Variants in SH3RF3 observed in about 807,000 individuals in gnomAD.
The protein encoded by SH3RF3 is E3 ubiquitin-protein ligase SH3RF3.
Under a neutral mutation model 66.3 loss-of-function variants are expected in SH3RF3, and 29 were observed. The ratio of observed to expected loss-of-function variants is 0.44; its 90% confidence interval spans 0.33 to 0.60. The LOEUF (loss-of-function observed/expected upper bound fraction) is 0.60, where lower values mean the gene tolerates loss of function less well. Among genes scored for constraint, SH3RF3 ranks in the 20% least tolerant of loss-of-function variants. SH3RF3 has a pLI of 0.04. For synonymous variants in SH3RF3, 583 were observed against 532.0 expected, an observed-to-expected ratio of 1.10 and a Z score of -1.32; for missense variants, 1,194 against 1,190.9, an observed-to-expected ratio of 1.00 and a Z score of -0.04.
chr2:109,440,311 G>A (rs10172271), intron 7 of SH3RF3, among the ~76,000 whole-genome samples: 6,065 of 152,244 alleles, frequency 0.04, 428 homozygotes, highest in African/African-American at 0.14. Flanking sequence ...CTCTTGGGCC[G>A]CCGAGGCCAG....
chr2:109,213,322 G>A (rs58543767), intron 1 of SH3RF3, among the ~76,000 whole-genome samples: 5,194 of 152,198 alleles, frequency 0.034, 267 homozygotes, highest in African/African-American at 0.11. Flanking sequence ...CTATGTGTAC[G>A]CCAAACGCAG....
chr2:109,462,918 T>C (rs1217358771), intron 8 of SH3RF3, among the ~76,000 whole-genome samples: 1 of 152,240 alleles, frequency 6.6e-6, no homozygotes, highest in Non-Finnish European at 1.5e-5. Flanking sequence ...TCAGATCCAG[T>C]GTCCAGCTGT....
intron 1 of SH3RF3, among the ~76,000 whole-genome samples, chr2:109,265,101 A>C (rs12052542): frequency 0.26 from 39,044 of 151,764 alleles, 5,348 homozygotes; most frequent in East Asian, 0.48. Flanking sequence ...GACTTTGCCC[A>C]CTTGAGGCGT....
At chr2:109,501,178 G>A (rs1449539772) in intron 9 of SH3RF3, among the ~76,000 whole-genome samples, 2 of 152,164 alleles carry the variant, frequency 1.3e-5, no homozygotes, top group Non-Finnish European at 2.9e-5. Flanking sequence ...CCGCAGTCTA[G>A]GTGGGTGGGC....
At chr2:109,251,892 C>CT (rs1041285698) in intron 1 of SH3RF3, among the ~76,000 whole-genome samples, 1 of 152,110 alleles carries the variant, frequency 6.6e-6, no homozygotes, top group African/African-American at 2.4e-5. Flanking sequence ...GGGTTCTAGA[C>CT]TTTGAGTTCT....
chr2:109,129,729 C>G lies in SH3RF3; in HGVS notation c.189C>G (p.Arg63=), dbSNP rs1171516899. 1.8e-5 allele frequency: 28 copies of G among 1,538,580 alleles called. No homozygotes were observed. The highest frequency in any genetic ancestry group is 2.4e-5 in the Non-Finnish European group (27 of 1,145,254). The part of the protein sequence containing the change: ...DLLECSVCLE[R]LDTTAKVLPC... ...TGGAGTGCTCCGTGTGTCTGGAGCG[C>G]CTGGACACCACGGCCAAGGTGCTGC... The change falls in exon 1 of 10, where the codon CGC becomes CGG. Residue 63 remains arginine (R), a synonymous_variant. Coordinates refer to ENST00000309415, the MANE Select transcript of SH3RF3 (RefSeq NM_001099289.3).
intron 3 of SH3RF3, among the ~76,000 whole-genome samples, chr2:109,397,566 G>A (rs769887944): frequency 2.8e-4 from 42 of 152,218 alleles, no homozygotes; most frequent in Non-Finnish European, 5.9e-4. Flanking sequence ...ACCCAAGTGG[G>A]AAACTTCCTC....
chr2:109,360,128 T>C (rs1350027152), intron 2 of SH3RF3, among the ~76,000 whole-genome samples: 3 of 152,000 alleles, frequency 2.0e-5, no homozygotes, highest in African/African-American at 7.3e-5. Context: ...AGGTAGAGAC[T>C]GAAAGCCTGC....
intron 2 of SH3RF3, among the ~76,000 whole-genome samples, chr2:109,366,792 G>T (rs1439074610): frequency 6.6e-6 from 1 of 152,204 alleles, no homozygotes; most frequent in Non-Finnish European, 1.5e-5. Flanking sequence ...AGTCAAAGCT[G>T]CAGTGAGCTG....
chr2:109,423,010 G>C (rs185181564), intron 5 of SH3RF3, among the ~76,000 whole-genome samples: 228 of 152,306 alleles, frequency 1.5e-3, no homozygotes, highest in Non-Finnish European at 2.6e-3. Flanking sequence ...GGAACTCTTG[G>C]CACAGAGCCT....
intron 1 of SH3RF3, among the ~76,000 whole-genome samples, chr2:109,200,853 G>A (rs1435681176): frequency 2.0e-5 from 3 of 152,212 alleles, no homozygotes; most frequent in Admixed American, 1.3e-4. Flanking sequence ...CCTAAGTGCG[G>A]CCTCTCAGCC....
intron 3 of SH3RF3, among the ~76,000 whole-genome samples, chr2:109,377,679 T>C (rs1683419198): frequency 6.6e-6 from 1 of 152,242 alleles, no homozygotes; most frequent in Non-Finnish European, 1.5e-5. Context: ...GAGTTCCTGC[T>C]GATGGCCATT....
chr2:109,156,944 A>AT (rs1362170554), intron 1 of SH3RF3, among the ~76,000 whole-genome samples: 1 of 152,238 alleles, frequency 6.6e-6, no homozygotes, highest in Non-Finnish European at 1.5e-5. Flanking sequence ...TTTCTTATTT[A>AT]AAGACTACCA....
At chr2:109,371,077 G>C (rs1467684649) in intron 2 of SH3RF3, among the ~76,000 whole-genome samples, 1 of 152,224 alleles carries the variant, frequency 6.6e-6, no homozygotes, top group Non-Finnish European at 1.5e-5. Context: ...GCTCTTTGCA[G>C]CTATAATCAA....
intron 4 of SH3RF3, among the ~76,000 whole-genome samples, chr2:109,400,668 GCA>G (rs1559063367): frequency 7.1e-6 from 1 of 141,492 alleles, no homozygotes; most frequent in Non-Finnish European, 1.5e-5. Flanking sequence ...TTATACATGC[GCA>G]CACACACATT....
At position 109,298,428 on chromosome 2, in the gene SH3RF3, G is replaced by A. The variant is rs540368839; in HGVS notation, c.574-49246G>A. 5.3e-5 allele frequency among the ~76,000 whole-genome samples: 8 copies of A among 152,242 alleles called. No individual in the cohort carries two copies. The South Asian group carries it at 1.7e-3, about 32-fold the overall frequency. ...CTGCCCTAGTTCCCATGGTCTGTGG[G>A]TCATTGAAGGAGGGTCCCTCACGGC... is the stretch of plus-strand genomic sequence containing the variant. On this transcript the variant is annotated intron_variant, in intron 1 of 9. Coordinates refer to ENST00000309415, the MANE Select transcript of SH3RF3 (RefSeq NM_001099289.3).
intron 3 of SH3RF3, among the ~76,000 whole-genome samples, chr2:109,393,229 C>A (rs538304203): frequency 6.6e-6 from 1 of 152,340 alleles, no homozygotes; most frequent in African/African-American, 2.4e-5. Flanking sequence ...CAGGGTAAGG[C>A]GAACGCCCCA....
chr2:109,376,399 A>C (rs963270402), intron 3 of SH3RF3, among the ~76,000 whole-genome samples: 2 of 152,236 alleles, frequency 1.3e-5, no homozygotes, highest in African/African-American at 4.8e-5. Context: ...GGCGGGACAC[A>C]GGCTGCCTCT....
At position 109,493,141 on chromosome 2, in the gene SH3RF3, A is replaced by ACAC. The variant is rs1679175328; in HGVS notation, c.2480+2207_2480+2208insCCA. The stretch of plus-strand genomic sequence containing the variant: ...TCATATAAACACACATACCCCACAT[A>ACAC]CATCATACAAAACACATACACCACA... On this transcript the variant is annotated intron_variant, in intron 9 of 9. Transcript: ENST00000309415. 1.6e-3 allele frequency among the ~76,000 whole-genome samples: 219 copies of ACAC among 139,696 alleles called. 2 individuals are homozygous for ACAC. The highest frequency in any genetic ancestry group is 5.5e-3 in the African/African-American group (210 of 38,522). The allele number at this position is 139,696 out of a possible 152,430, so 91.6% of individuals were successfully genotyped here. A position where few individuals can be genotyped will look rare whatever the true frequency, so the allele number is the denominator to read the frequency against.
Sources: allele counts gnomAD v4.1 joint callset (sites outside exome capture counted in the v4.1 genomes callset), GRCh38; gene constraint gnomAD v4.1.1; transcripts MANE v1.5; gene names NCBI Gene and HGNC (gene_info 2026-07-23, HGNC 2026-07-21).